Variants in CD38 observed in about 807,000 individuals in gnomAD.
CD38 encodes the protein CD38 molecule.
In CD38, 31 loss-of-function variants were observed where a neutral mutation model predicts 36.3. The observed-to-expected ratio is 0.85, with a 90% CI of 0.64 to 1.15. CD38 has a LOEUF of 1.15. Among genes scored for constraint, CD38 ranks in the 50% most tolerant of loss-of-function variants. The pLI is 0.00. For synonymous variants in CD38, 131 were observed against 135.2 expected, an observed-to-expected ratio of 0.97 and a Z score of 0.22; for missense variants, 380 against 371.9, an observed-to-expected ratio of 1.02 and a Z score of -0.18.
intron 4 of CD38, among the ~76,000 whole-genome samples, chr4:15,835,033 G>A (rs1302791729): frequency 1.3e-5 from 2 of 152,100 alleles, no homozygotes; most frequent in African/African-American, 4.8e-5. Flanking sequence ...ATTTCTTTGT[G>A]TTGGGAGCAT....
At chr4:15,823,517 A>G (rs1577653412) in intron 2 of CD38, among the ~76,000 whole-genome samples, 1 of 152,234 alleles carries the variant, frequency 6.6e-6, no homozygotes, top group South Asian at 2.1e-4. Flanking sequence ...GGCAAAGAAC[A>G]TGAACAGACA....
chr4:15,819,402 G>A (rs1723684123), intron 2 of CD38, among the ~76,000 whole-genome samples: 1 of 151,820 alleles, frequency 6.6e-6, no homozygotes, highest in South Asian at 2.1e-4. Context: ...AGGCTGAGGT[G>A]GATGAATTGA....
intron 1 of CD38, among the ~76,000 whole-genome samples, chr4:15,815,101 G>A (rs1028144902): frequency 2.6e-5 from 4 of 151,944 alleles, no homozygotes; most frequent in African/African-American, 9.7e-5. Flanking sequence ...CACCGTGCCC[G>A]GCCAAGGTCT....
At chr4:15,824,480 A>C (rs894359977) in intron 2 of CD38, among the ~76,000 whole-genome samples, 2 of 152,064 alleles carry the variant, frequency 1.3e-5, no homozygotes, top group Non-Finnish European at 2.9e-5. Flanking sequence ...GGGGTTATAT[A>C]GTTCTTTAAG....
intron 1 of CD38, among the ~76,000 whole-genome samples, chr4:15,806,328 C>T (rs1192743212): frequency 6.6e-6 from 1 of 152,162 alleles, no homozygotes; most frequent in Non-Finnish European, 1.5e-5. Flanking sequence ...TAGAACCAAT[C>T]CTATTCTGTG....
At chr4:15,839,277 T>G (rs570241778) in intron 5 of CD38, among the ~76,000 whole-genome samples, 12 of 151,772 alleles carry the variant, frequency 7.9e-5, no homozygotes, top group African/African-American at 2.7e-4. Context: ...CAGGGAAGAG[T>G]TTAGGAATGG....
intron 3 of CD38, among the ~76,000 whole-genome samples, chr4:15,832,924 C>G (rs1325899466): frequency 6.6e-6 from 1 of 152,212 alleles, no homozygotes; most frequent in South Asian, 2.1e-4. Context: ...TGTGACTAAG[C>G]TGGCATTCAA....
chr4:15,848,307 A>C (rs942779289), intron 7 of CD38, among the ~76,000 whole-genome samples: 14 of 152,132 alleles, frequency 9.2e-5, no homozygotes, highest in African/African-American at 3.4e-4. Context: ...CAAATTAGCC[A>C]CAGAAGCTGT....
intron 5 of CD38, among the ~76,000 whole-genome samples, chr4:15,838,761 G>A (rs968573184): frequency 5.3e-5 from 8 of 152,150 alleles, no homozygotes; most frequent in Non-Finnish European, 8.8e-5. Flanking sequence ...CCTCAGGCAG[G>A]GCAGTCAACC....
intron 5 of CD38, among the ~76,000 whole-genome samples, chr4:15,839,157 C>T (rs546251646): frequency 9.8e-5 from 15 of 152,288 alleles, no homozygotes; most frequent in South Asian, 4.1e-4. Context: ...TTTGTCCTTT[C>T]GTCTTCTGAT....
At chr4:15,789,264 C>G (rs1442263761) in intron 1 of CD38, among the ~76,000 whole-genome samples, 1 of 152,160 alleles carries the variant, frequency 6.6e-6, no homozygotes, top group Non-Finnish European at 1.5e-5. Context: ...GAAATTCTTG[C>G]TCACATGGAA....
At chr4:15,786,920 C>T (rs953996464) in intron 1 of CD38, among the ~76,000 whole-genome samples, 3 of 152,244 alleles carry the variant, frequency 2.0e-5, no homozygotes, top group Non-Finnish European at 2.9e-5. Context: ...TGGAGCGCAG[C>T]GCCAGTGGGC....
At chr4:15,825,652 C>G (rs1723831182) in intron 3 of CD38, 1 of 152,314 alleles carries the variant, frequency 6.6e-6, no homozygotes, top group Non-Finnish European at 1.5e-5. Context: ...ATTGCCCATG[C>G]TCCCTAATTC....
intron 7 of CD38, among the ~76,000 whole-genome samples, chr4:15,841,666 G>C (rs1185453556): frequency 1.3e-5 from 2 of 149,770 alleles, no homozygotes; most frequent in Non-Finnish European, 2.9e-5. Flanking sequence ...ATCTCACTAG[G>C]GAGTGCCAGA....
In CD38 at chr4:15,778,933, G is replaced by C. The variant is rs1405744347; in HGVS notation, c.233+286G>C. The stretch of plus-strand genomic sequence containing the variant: ...CTTGGCACCGATGCCCGCCTTCTGG[G>C]CAAGGTGCCCTGAGCCCAGCCCCTC... On this transcript the variant is annotated intron_variant, in intron 1 of 7. Transcript: ENST00000226279. This position sits in a 1 kb window ranked among gnomAD's most constrained non-coding sequence, Gnocchi z 4.9. Among the ~76,000 whole-genome samples the C allele has an allele frequency of 6.6e-6, 1 of 152,176 alleles. No individual in the cohort carries two copies. The highest frequency in any genetic ancestry group is 1.5e-5 in the Non-Finnish European group (1 of 68,010).
intron 3 of CD38, among the ~76,000 whole-genome samples, chr4:15,830,576 T>G (rs1037041584): frequency 5.3e-5 from 8 of 152,198 alleles, no homozygotes; most frequent in Admixed American, 6.5e-5. Flanking sequence ...TCCTTTGCTA[T>G]GCAGAAGCTT....
chr4:15,812,842 T>C (rs1723501807), intron 1 of CD38, among the ~76,000 whole-genome samples: 2 of 152,240 alleles, frequency 1.3e-5, no homozygotes, highest in African/African-American at 2.4e-5. Flanking sequence ...TTATATTTAC[T>C]CCTAAGAATA....
chr4:15,793,590 G>A (rs1027800003), intron 1 of CD38, among the ~76,000 whole-genome samples: 19 of 152,180 alleles, frequency 1.2e-4, no homozygotes, highest in African/African-American at 4.6e-4. Context: ...CACTAGTGAT[G>A]TGTAGTCAAA....
intron 3 of CD38, among the ~76,000 whole-genome samples, chr4:15,826,299 C>CA (rs1723843418): frequency 6.6e-6 from 1 of 152,080 alleles, no homozygotes; most frequent in African/African-American, 2.4e-5. Flanking sequence ...AAAATGTACA[C>CA]GCGCTGTTGT....
Sources: allele counts gnomAD v4.1 joint callset (sites outside exome capture counted in the v4.1 genomes callset), GRCh38; gene constraint gnomAD v4.1.1; non-coding constraint Gnocchi (gnomAD v3.1); transcripts MANE v1.5; gene names NCBI Gene and HGNC (gene_info 2026-07-23, HGNC 2026-07-21).